ZNF572: variants seen among roughly 807,000 people sequenced by gnomAD.
The protein encoded by ZNF572 is zinc finger protein 572.
A neutral mutation model predicts 3.8 loss-of-function variants in ZNF572; 2 were observed. That is an observed-to-expected ratio of 0.52 (90% CI 0.21 to 1.65). The LOEUF (loss-of-function observed/expected upper bound fraction) is 1.65, where lower values mean the gene tolerates loss of function less well. Ranked by LOEUF, ZNF572 falls within the 40% of genes most tolerant of loss-of-function variation. ZNF572 has a pLI of 0.20. For synonymous variants in ZNF572, 187 were observed against 204.5 expected (o/e 0.91, Z 0.73); for missense variants, 581 against 633.4 (o/e 0.92, Z 0.89).
In ZNF572 at chr8:124,977,736, C is replaced by G. The variant is rs1472325702; in HGVS notation, c.1468C>G (p.His490Asp). The change falls in exon 3 of 3, where the codon CAC (histidine) becomes GAC (aspartate). Residue 490 changes from histidine to aspartate, a missense_variant. His to Asp is a moderately conservative substitution (Grantham distance 81, BLOSUM62 -1). Transcript: ENST00000319286. Reference protein sequence around the residue: ...SAYLSQHRKIHVEKPFESPDV... With the variant: ...SAYLSQHRKIDVEKPFESPDV... The stretch of plus-strand genomic sequence containing the variant: ...CTACCTCAGTCAGCATCGGAAAATT[C>G]ACGTAGAAAAGCCTTTTGAGTCTCC... 22 of 1,614,204 alleles carry G rather than the reference C, an allele frequency of 1.4e-5. No homozygotes were observed. Among genetic ancestry groups the G allele is most frequent in the Non-Finnish European group, 1.9e-5 (22 of 1,180,028 alleles).
At chr8:124,974,850 C>G (rs1221424596) in intron 1 of ZNF572, among the ~76,000 whole-genome samples, 1 of 152,274 alleles carries the variant, frequency 6.6e-6, no homozygotes, top group Middle Eastern at 3.4e-3. Context: ...CGCCACCACA[C>G]CCGGCTAATT....
rs748111151 is a variant in ZNF572 at position 124,977,325 on chromosome 8, G to A, written c.1057G>A (p.Glu353Lys). The change falls in exon 3 of 3, where the codon GAG becomes AAG. Residue 353 changes from glutamate to lysine, a missense_variant. Glu to Lys is a moderately conservative substitution (Grantham distance 56, BLOSUM62 1). Coordinates refer to ENST00000319286, the MANE Select transcript of ZNF572 (RefSeq NM_152412.3). ...TACACACCAGAAAATGCACACAGGA[G>A]AGAAATCCTATGAAAGTTCTGAATA... is the stretch of plus-strand genomic sequence containing the variant. ...LITHQKMHTG[E>K]KSYESSEYEE... 6.2e-7 allele frequency: 1 copy of A among 1,614,182 alleles called. No individual in the cohort carries two copies. Among genetic ancestry groups the A allele is most frequent in the Non-Finnish European group, 8.5e-7 (1 of 1,180,042 alleles).
At chr8:124,975,546 G>A (rs1367646801) in intron 1 of ZNF572, 60 bp from the exon 2 acceptor site, 13 of 972,334 alleles carry the variant, frequency 1.3e-5, no homozygotes, top group Admixed American at 3.7e-5. Context: ...TGGTTGGGAA[G>A]GAAGGAGGAA....
At position 124,977,781 on chromosome 8, in the gene ZNF572, C is replaced by T. The variant is rs953181379; in HGVS notation, c.1513C>T (p.His505Tyr). 1 of 1,613,792 alleles carries T rather than the reference C, an allele frequency of 6.2e-7. No individual in the cohort carries two copies. The highest frequency in any genetic ancestry group is 8.5e-7 in the Non-Finnish European group (1 of 1,179,852). The change falls in exon 3 of 3, where the codon CAT becomes TAT. Residue 505 changes from histidine to tyrosine, a missense_variant. Transcript: ENST00000319286. ...FESPDVGDFP[H>Y]EWTWKNCSGE... ...GTCTCCCGACGTTGGGGATTTTCCT[C>T]ATGAATGGACTTGGAAAAACTGTTC...
chr8:124,978,033 G>A lies in ZNF572; in HGVS notation c.*175G>A, dbSNP rs1043209227. Reference sequence around the variant, plus strand: ...CCCCAATCACCAGGTTATTGGATCTGTCCAGTGAGAGATTCATCCACCAAG... The same window carrying A: ...CCCCAATCACCAGGTTATTGGATCTATCCAGTGAGAGATTCATCCACCAAG... On this transcript the variant is annotated 3_prime_UTR_variant, in exon 3 of 3. Transcript: ENST00000319286. The A allele has an allele frequency of 1.6e-6, 1 of 631,818 alleles. No homozygotes were observed. Among genetic ancestry groups the A allele is most frequent in the Non-Finnish European group, 2.6e-6 (1 of 391,784 alleles). 39.1% of individuals were successfully genotyped at this position (631,818 alleles called of 1,614,324 possible).
At chr8:124,975,778 C>G in intron 2 of ZNF572, 59 bp downstream of exon 2, 1 of 1,333,036 alleles carries the variant, frequency 7.5e-7, no homozygotes, top group Non-Finnish European at 1.1e-6. Flanking sequence ...AAGAACAGGA[C>G]ACTAGAATGA....
At position 124,977,935 on chromosome 8, in the gene ZNF572, C is replaced by T; in HGVS notation, c.*77C>T. ...ATTTAGGTATTCTGTGATTGTTGTG[C>T]TATAAAGTTTCTTTGATGTGTTTGT... On this transcript the variant is annotated 3_prime_UTR_variant, in exon 3 of 3. Transcript: ENST00000319286. 1.4e-6 allele frequency: 2 copies of T among 1,443,012 alleles called. No individual in the cohort carries two copies. The highest frequency in any genetic ancestry group is 1.8e-6 in the Non-Finnish European group (2 of 1,083,118). The allele number at this position is 1,443,012 out of a possible 1,614,324, so 89.4% of individuals were successfully genotyped here. A position where few individuals can be genotyped will look rare whatever the true frequency, so the allele number is the denominator to read the frequency against.
rs765381772 is a variant in ZNF572, at chr8:124,977,369, G to A, written c.1101G>A (p.Gln367=). ...ESSEYEESLG[Q]NCNVIEECRI... is the part of the protein sequence containing the mutation. ...CTGAATATGAGGAAAGTTTGGGTCA[G>A]AACTGCAATGTGATAGAAGAATGCA... Residue 367 remains glutamine, a synonymous_variant, in exon 3 of 3, where the codon CAG becomes CAA. Coordinates refer to ENST00000319286, the MANE Select transcript of ZNF572 (RefSeq NM_152412.3). 1.2e-6 allele frequency: 2 copies of A among 1,614,182 alleles called. No individual in the cohort carries two copies. The highest frequency in any genetic ancestry group is 1.7e-6 in the Non-Finnish European group (2 of 1,180,034).
chr8:124,977,024 C>T lies in ZNF572; in HGVS notation c.756C>T (p.Gly252=). 6.2e-7 allele frequency: 1 copy of T among 1,613,844 alleles called. No homozygotes were observed. Among genetic ancestry groups the T allele is most frequent in the Non-Finnish European group, 8.5e-7 (1 of 1,180,018 alleles). The change falls in exon 3 of 3, where the codon GGC becomes GGT. Residue 252 remains glycine, a synonymous_variant. Coordinates refer to ENST00000319286, the MANE Select transcript of ZNF572 (RefSeq NM_152412.3). ...KPYECSVCGK[G]FSHSYVLIEH... ...ATGAATGTTCTGTCTGCGGAAAAGG[C>T]TTCAGTCACAGCTATGTCCTAATAG... is the stretch of plus-strand genomic sequence containing the variant.
rs73706183 is a variant in ZNF572, at chr8:124,979,325, G to A, written c.*1467G>A. On this transcript the variant is annotated 3_prime_UTR_variant, in exon 3 of 3. Coordinates refer to ENST00000319286, the MANE Select transcript of ZNF572 (RefSeq NM_152412.3). The stretch of plus-strand genomic sequence containing the variant: ...TGATTGTGGTGCACCTGATGCTGGC[G>A]GGGTATTTGTGTGTTTTTGTATTGT... 11,837 of 152,466 alleles carry A rather than the reference G, an allele frequency of 0.078. 895 individuals are homozygous for A. The highest frequency in any genetic ancestry group is 0.2 in the African/African-American group (8,201 of 41,430). 9.4% of individuals were successfully genotyped at this position (152,466 alleles called of 1,614,324 possible).
In ZNF572 at chr8:124,976,801, A is replaced by G. The variant is rs1564126756; in HGVS notation, c.533A>G (p.His178Arg). 1.9e-6 allele frequency: 3 copies of G among 1,614,218 alleles called. No homozygotes were observed. Among genetic ancestry groups the G allele is most frequent in the East Asian group, 2.2e-5 (1 of 44,890 alleles). Reference sequence around the variant, plus strand: ...TGTAACAGTTCTCACCTGATTCAGCATCTAAGAATGCACACAGGAGAGAAG... The same window carrying G: ...TGTAACAGTTCTCACCTGATTCAGCGTCTAAGAATGCACACAGGAGAGAAG... The part of the protein sequence containing the change: ...CFCNSSHLIQ[H>R]LRMHTGEKPY... Residue 178 changes from histidine to arginine, a missense_variant, in exon 3 of 3, where the codon CAT (histidine) becomes CGT (arginine). By Grantham distance (29) the His-to-Arg change is conservative (BLOSUM62 0). Coordinates refer to ENST00000319286, the MANE Select transcript of ZNF572 (RefSeq NM_152412.3).
At chr8:124,974,206 T>G (rs986469796) in intron 1 of ZNF572, among the ~76,000 whole-genome samples, 1 of 152,204 alleles carries the variant, frequency 6.6e-6, no homozygotes, top group Non-Finnish European at 1.5e-5. Flanking sequence ...TTCTAAATAT[T>G]CTAAAATAAA....
chr8:124,975,522 T>C, intron 1 of ZNF572, 84 bp from the exon 2 acceptor site: 1 of 761,332 alleles, frequency 1.3e-6, no homozygotes, highest in Non-Finnish European at 2.2e-6. Context: ...ATGCCTCCTA[T>C]TGTTGTGTTG....
Position 124,977,278 on chromosome 8 carries a change from T to C in ZNF572, c.1010T>C (p.Phe337Ser). 3 of 1,614,006 alleles carry C rather than the reference T, an allele frequency of 1.9e-6. No individual in the cohort carries two copies. Among genetic ancestry groups the C allele is most frequent in the Non-Finnish European group, 2.5e-6 (3 of 1,180,020 alleles). ...CAATGTCCAGAATGTGGGAAGAATT[T>C]TAGTCGTAGTTCAAACCTTATTACA... ...PYQCPECGKN[F>S]SRSSNLITHQ... The change falls in exon 3 of 3, where the codon TTT becomes TCT. Residue 337 changes from phenylalanine to serine, a missense_variant. By Grantham distance (155) the Phe-to-Ser change is radical (BLOSUM62 -2). Coordinates refer to ENST00000319286, the MANE Select transcript of ZNF572 (RefSeq NM_152412.3).
chr8:124,978,467 C>T lies in ZNF572; in HGVS notation c.*609C>T, dbSNP rs1332382153. 4 of 152,212 alleles carry T rather than the reference C, an allele frequency of 2.6e-5. No homozygotes were observed. Among genetic ancestry groups the T allele is most frequent in the African/African-American group, 9.7e-5 (4 of 41,442 alleles). 9.4% of individuals were successfully genotyped at this position (152,212 alleles called of 1,614,324 possible). On this transcript the variant is annotated 3_prime_UTR_variant, in exon 3 of 3. Transcript: ENST00000319286. ...GTTCCTCAGTCACACTAGCCACTTT[C>T]TAAGTGCTCAGTAGCTCTGTGTGAC... is the stretch of plus-strand genomic sequence containing the variant.
At position 124,977,223 on chromosome 8, in the gene ZNF572, C is replaced by T; in HGVS notation, c.955C>T (p.Gln319Ter). The T allele has an allele frequency of 6.2e-7, 1 of 1,612,748 alleles. No homozygotes were observed. The highest frequency in any genetic ancestry group is 8.5e-7 in the Non-Finnish European group (1 of 1,180,004). ...TTGTAATTCTACTCTAATAAAACAT[C>T]AGAGAATACATACAGGAGAAAAGCC... Reference protein sequence around the residue: ...FGCNSTLIKHQRIHTGEKPYQ... With the variant: ...FGCNSTLIKH Residue 319 changes from glutamine to a stop codon, truncating the protein, a stop_gained, in exon 3 of 3, where the codon CAG becomes TAG. Coordinates refer to ENST00000319286, the MANE Select transcript of ZNF572 (RefSeq NM_152412.3). LOFTEE classifies it low-confidence loss of function (END_TRUNC).
At position 124,976,345 on chromosome 8, in the gene ZNF572, C is replaced by A; in HGVS notation, c.80-3C>A. The A allele has an allele frequency of 1.9e-6, 3 of 1,563,500 alleles. No individual in the cohort carries two copies. Among genetic ancestry groups the A allele is most frequent in the Non-Finnish European group, 2.6e-6 (3 of 1,156,924 alleles). On this transcript the variant is annotated splice_region_variant and splice_polypyrimidine_tract_variant and intron_variant, in intron 2 of 2. Coordinates refer to ENST00000319286, the MANE Select transcript of ZNF572 (RefSeq NM_152412.3). ...TGGTTAGAATATTTGTTTATTCTTG[C>A]AGGAGATACAAGTATGAATAATTTG... is the stretch of plus-strand genomic sequence containing the variant.
chr8:124,976,663 A>G lies in ZNF572; in HGVS notation c.395A>G (p.Tyr132Cys). 1.2e-6 allele frequency: 2 copies of G among 1,614,236 alleles called. No homozygotes were observed. The highest frequency in any genetic ancestry group is 1.7e-6 in the Non-Finnish European group (2 of 1,180,024). ...AATTCATCCTTTGTAGACAGACCCT[A>G]TAAATGTTCCGAATGTTGGAAAAGC... Reference protein sequence around the residue: ...QQNSSFVDRPYKCSECWKSFS... With the variant: ...QQNSSFVDRPCKCSECWKSFS... Residue 132 changes from tyrosine (Y) to cysteine (C), a missense_variant, in exon 3 of 3, where the codon TAT becomes TGT. Coordinates refer to ENST00000319286, the MANE Select transcript of ZNF572 (RefSeq NM_152412.3).
rs775825279 is a variant in ZNF572 at position 124,976,987 on chromosome 8, G to C, written c.719G>C (p.Gly240Ala). The C allele has an allele frequency of 6.2e-7, 1 of 1,614,142 alleles. No homozygotes were observed. Among genetic ancestry groups the C allele is most frequent in the South Asian group, 1.1e-5 (1 of 91,084 alleles). ...HLIQHHRSHT[G>A]EKPYECSVCG... ...ATTCAGCATCACAGATCACATACAGGTGAAAAACCATATGAATGTTCTGTC... is the reference window on the plus strand; with the variant it reads ...ATTCAGCATCACAGATCACATACAGCTGAAAAACCATATGAATGTTCTGTC... Residue 240 changes from glycine (G) to alanine (A), a missense_variant, in exon 3 of 3, where the codon GGT becomes GCT. Coordinates refer to ENST00000319286, the MANE Select transcript of ZNF572 (RefSeq NM_152412.3).
Sources: allele counts gnomAD v4.1 joint callset (sites outside exome capture counted in the v4.1 genomes callset), GRCh38; gene constraint gnomAD v4.1.1; transcripts MANE v1.5; gene names NCBI Gene and HGNC (gene_info 2026-07-23, HGNC 2026-07-21).